The following GNAQ variants were observed in gnomAD, a reference collection of about 807,000 sequenced individuals.
GNAQ encodes guanine nucleotide-binding protein G(q) subunit alpha.
GNAQ carries 8 observed loss-of-function variants against 43.9 expected under a neutral mutation model. That is an observed-to-expected ratio of 0.18 (90% CI 0.11 to 0.33). The LOEUF (loss-of-function observed/expected upper bound fraction) is 0.33. Among genes scored for constraint, GNAQ ranks in the 10% least tolerant of loss-of-function variants. The pLI is 1.00. For missense variants in GNAQ, 158 were observed against 450.8 expected, an observed-to-expected ratio of 0.35 and a Z score of 5.88; for synonymous variants, 155 against 170.7, an observed-to-expected ratio of 0.91 and a Z score of 0.71.
At chr9:77,767,656 C>T (rs1826158183) in intron 5 of GNAQ, among the ~76,000 whole-genome samples, 1 of 152,142 alleles carries the variant, frequency 6.6e-6, no homozygotes, top group African/African-American at 2.4e-5. Flanking sequence ...ACTATTGATA[C>T]CTGAAGAAAA....
chr9:77,754,248 CT>C (rs1215715793), intron 5 of GNAQ, among the ~76,000 whole-genome samples: 1 of 152,136 alleles, frequency 6.6e-6, no homozygotes, highest in African/African-American at 2.4e-5. Context: ...TATGAAAATG[CT>C]TTCCTGCCAC....
At chr9:77,973,737 G>C (rs751458745) in intron 1 of GNAQ, among the ~76,000 whole-genome samples, 1 of 152,148 alleles carries the variant, frequency 6.6e-6, no homozygotes, top group African/African-American at 2.4e-5. Context: ...AGAATCGCTT[G>C]AATGTGGGAG....
intron 1 of GNAQ, among the ~76,000 whole-genome samples, chr9:77,934,422 G>GT (rs200212557): frequency 1.1e-3 from 163 of 148,442 alleles, no homozygotes; most frequent in African/African-American, 3.5e-3. Context: ...AATATGTCAA[G>GT]TTTTTTTTTT....
At chr9:77,981,504 G>A (rs890763430) in intron 1 of GNAQ, among the ~76,000 whole-genome samples, 2 of 152,244 alleles carry the variant, frequency 1.3e-5, no homozygotes, top group East Asian at 3.9e-4. Context: ...GGGCAAGTCA[G>A]AGCAAGGGAG....
rs145237212 is a variant in GNAQ at position 77,894,485 on chromosome 9, T to C, written c.321+27676A>G. Among the ~76,000 whole-genome samples the C allele has an allele frequency of 6.8e-3, 1,013 of 148,756 alleles. 16 individuals carry two copies. The highest frequency in any genetic ancestry group is 0.023 in the African/African-American group (944 of 40,296). On this transcript the variant is annotated intron_variant, in intron 2 of 6. Transcript: ENST00000286548. Reference sequence around the variant, plus strand: ...GTCACCAGGCTGGAATGCAGTGCTGTGATCTAGGCTCACTGCAACCTCTGC... The same window carrying C: ...GTCACCAGGCTGGAATGCAGTGCTGCGATCTAGGCTCACTGCAACCTCTGC...
intron 1 of GNAQ, among the ~76,000 whole-genome samples, chr9:78,027,095 CTG>C (rs1823992482): frequency 6.6e-6 from 1 of 152,118 alleles, no homozygotes. Context: ...TTAAGCATGA[CTG>C]TTACCATTCT....
chr9:77,939,168 T>C (rs1019163959), intron 1 of GNAQ, among the ~76,000 whole-genome samples: 1 of 152,170 alleles, frequency 6.6e-6, no homozygotes, highest in Non-Finnish European at 1.5e-5. Context: ...CCTAAGGATA[T>C]GGAATGAGGG....
At chr9:77,997,580 C>A (rs750691138) in intron 1 of GNAQ, among the ~76,000 whole-genome samples, 4 of 152,098 alleles carry the variant, frequency 2.6e-5, no homozygotes, top group Non-Finnish European at 4.4e-5. Context: ...GTGATCAGAA[C>A]GGGATCCCCT....
At chr9:77,767,057 G>A (rs894096288) in intron 5 of GNAQ, among the ~76,000 whole-genome samples, 1 of 152,076 alleles carries the variant, frequency 6.6e-6, no homozygotes, top group East Asian at 1.9e-4. Context: ...GTCAGGGAAC[G>A]TTTAGTGTGT....
intron 5 of GNAQ, among the ~76,000 whole-genome samples, chr9:77,762,561 G>GC (rs1826060641): frequency 6.7e-6 from 1 of 149,830 alleles, no homozygotes; most frequent in African/African-American, 2.4e-5. Context: ...GAAGTGAGGA[G>GC]CCCCTCTGCC....
intron 3 of GNAQ, among the ~76,000 whole-genome samples, chr9:77,803,666 T>C (rs1054939478): frequency 3.5e-4 from 53 of 152,216 alleles, no homozygotes; most frequent in African/African-American, 1.0e-3. Context: ...GCAAGGAGTT[T>C]ATCAATTTGT....
At chr9:77,861,483 GTCCCT>G (rs776622895) in intron 2 of GNAQ, among the ~76,000 whole-genome samples, 10 of 152,144 alleles carry the variant, frequency 6.6e-5, no homozygotes, top group Non-Finnish European at 1.3e-4. Context: ...GAGAAGGCAA[GTCCCT>G]TCCGCTTATG....
chr9:77,955,316 T>C (rs1368107798), intron 1 of GNAQ, among the ~76,000 whole-genome samples: 2 of 152,130 alleles, frequency 1.3e-5, no homozygotes, highest in African/African-American at 4.8e-5. Flanking sequence ...CTAATTTTTG[T>C]ATTTTTAAGA....
chr9:77,721,632 T>A, intron 6 of GNAQ, 119 bp from the exon 7 acceptor site: 1 of 677,108 alleles, frequency 1.5e-6, no homozygotes, highest in Non-Finnish European at 2.5e-6. Flanking sequence ...ACTGCAGATT[T>A]GATCTGTTAT....
chr9:77,898,454 C>G (rs1369758199), intron 2 of GNAQ, among the ~76,000 whole-genome samples: 2 of 152,194 alleles, frequency 1.3e-5, no homozygotes, highest in African/African-American at 2.4e-5. Context: ...ACTTACTGCA[C>G]TGTATTATAA....
At chr9:77,978,596 A>G (rs1823331390) in intron 1 of GNAQ, among the ~76,000 whole-genome samples, 1 of 152,210 alleles carries the variant, frequency 6.6e-6, no homozygotes, top group African/African-American at 2.4e-5. Flanking sequence ...CTACATCCAC[A>G]GCAGTATGAT....
intron 2 of GNAQ, among the ~76,000 whole-genome samples, chr9:77,868,775 C>G (rs1401284691): frequency 6.6e-6 from 1 of 151,750 alleles, no homozygotes. Context: ...AGCCTGGTGA[C>G]AGAGCGAGAC....
intron 5 of GNAQ, among the ~76,000 whole-genome samples, chr9:77,792,697 T>A (rs1403469019): frequency 1.3e-5 from 2 of 152,188 alleles, no homozygotes; most frequent in African/African-American, 4.8e-5. Flanking sequence ...ATATATATAA[T>A]GCATTTATCT....
At chr9:77,879,722 C>T (rs1339928903) in intron 2 of GNAQ, among the ~76,000 whole-genome samples, 1 of 152,194 alleles carries the variant, frequency 6.6e-6, no homozygotes, top group African/African-American at 2.4e-5. Flanking sequence ...TTGCAAAGTA[C>T]TGCAAAGTAG....
Sources: gnomAD v4.1 joint callset for allele counts (sites outside exome capture counted in the v4.1 genomes callset) on GRCh38, gnomAD v4.1.1 for gene constraint, MANE v1.5 for transcripts, NCBI Gene and HGNC (gene_info 2026-07-23, HGNC 2026-07-21) for gene names.